NCKAP5: variants seen among roughly 807,000 people sequenced by gnomAD.
NCKAP5 encodes the protein nck-associated protein 5.
Under a neutral mutation model 167.0 loss-of-function variants are expected in NCKAP5, and 92 were observed. The observed-to-expected ratio is 0.55, with a 90% confidence interval of 0.47 to 0.66. The LOEUF (loss-of-function observed/expected upper bound fraction) is 0.66, where lower values mean the gene tolerates loss of function less well. Ranked by LOEUF, NCKAP5 falls within the 30% of genes least tolerant of loss-of-function variation. The pLI is 0.00. For missense variants in NCKAP5, 2,378 were observed against 2,315.0 expected (o/e 1.03, Z -0.56); for synonymous variants, 891 against 877.4 (o/e 1.02, Z -0.27).
intron 8 of NCKAP5, among the ~76,000 whole-genome samples, chr2:132,942,216 A>G (rs1481224832): frequency 6.6e-6 from 1 of 152,208 alleles, no homozygotes; most frequent in African/African-American, 2.4e-5. Flanking sequence ...ATAAACATTA[A>G]ACATGAAAAC....
intron 16 of NCKAP5, among the ~76,000 whole-genome samples, chr2:132,740,749 G>A (rs1679111190): frequency 1.3e-5 from 2 of 152,048 alleles, no homozygotes; most frequent in Admixed American, 1.3e-4. Context: ...CTCTTGTGCT[G>A]TCTTTGGGAT....
the NCKAP5 span, among the ~76,000 whole-genome samples, chr2:133,600,563 T>C: frequency 2.6e-5 from 4 of 152,244 alleles, no homozygotes; most frequent in African/African-American, 7.2e-5. Flanking sequence ...AGGAGTTGTC[T>C]ATAAATTAGT....
intron 10 of NCKAP5, among the ~76,000 whole-genome samples, chr2:132,868,103 T>C (rs1690503734): frequency 6.6e-6 from 1 of 152,198 alleles, no homozygotes; most frequent in Admixed American, 6.5e-5. Context: ...ATGGCATAAA[T>C]TATTTTGCTG....
At chr2:133,259,547 A>G (rs1364913007) in intron 4 of NCKAP5, among the ~76,000 whole-genome samples, 1 of 152,194 alleles carries the variant, frequency 6.6e-6, no homozygotes, top group Non-Finnish European at 1.5e-5. Flanking sequence ...AAAATCTCAG[A>G]GTAATGTAAT....
chr2:133,524,775 G>A (rs6730679), intron 2 of NCKAP5, among the ~76,000 whole-genome samples: 15,578 of 152,138 alleles, frequency 0.1, 1,329 homozygotes, highest in African/African-American at 0.23. Context: ...CTTTAAACAC[G>A]TACCTACAGC....
At chr2:133,004,124 G>C (rs906406665) in intron 6 of NCKAP5, among the ~76,000 whole-genome samples, 3 of 152,212 alleles carry the variant, frequency 2.0e-5, no homozygotes, top group Non-Finnish European at 2.9e-5. Context: ...TCCACAAAGA[G>C]AGGGGGAGGG....
intron 3 of NCKAP5, among the ~76,000 whole-genome samples, chr2:133,427,809 GA>G (rs1689909037): frequency 6.6e-6 from 1 of 151,854 alleles, no homozygotes; most frequent in Non-Finnish European, 1.5e-5. Context: ...CTGGAAATAA[GA>G]TACATATAAA....
chr2:132,851,447 G>A (rs1689071906), intron 11 of NCKAP5, among the ~76,000 whole-genome samples: 1 of 152,160 alleles, frequency 6.6e-6, no homozygotes, highest in Admixed American at 6.5e-5. Context: ...CACACTGGGG[G>A]CTACTGTGAG....
intron 4 of NCKAP5, among the ~76,000 whole-genome samples, chr2:133,258,933 C>A (rs2088768595): frequency 6.6e-6 from 1 of 152,060 alleles, no homozygotes; most frequent in Non-Finnish European, 1.5e-5. Flanking sequence ...CTACAATATC[C>A]AACAGAACTA....
intron 8 of NCKAP5, among the ~76,000 whole-genome samples, chr2:132,884,807 G>T (rs1219646532): frequency 6.6e-6 from 1 of 151,544 alleles, no homozygotes; most frequent in Admixed American, 6.6e-5. Context: ...TGGAAATAAA[G>T]CTGAAAATGG....
intron 3 of NCKAP5, among the ~76,000 whole-genome samples, chr2:133,322,627 T>C (rs559877054): frequency 8.5e-5 from 13 of 152,228 alleles, no homozygotes; most frequent in Non-Finnish European, 1.8e-4. Context: ...AAATTATCTT[T>C]CTAGTAATTT....
chr2:132,878,183 G>A (rs143157761), intron 9 of NCKAP5, among the ~76,000 whole-genome samples: 1 of 152,268 alleles, frequency 6.6e-6, no homozygotes, highest in Non-Finnish European at 1.5e-5. Flanking sequence ...GCGCATGTCT[G>A]TTTTCTCCTC....
intron 11 of NCKAP5, among the ~76,000 whole-genome samples, chr2:132,854,189 A>G (rs529811958): frequency 6.6e-6 from 1 of 152,330 alleles, no homozygotes; most frequent in African/African-American, 2.4e-5. Flanking sequence ...CTTATAACAG[A>G]CCACATACAC....
intron 16 of NCKAP5, among the ~76,000 whole-genome samples, chr2:132,769,466 T>C (rs1681829221): frequency 6.6e-6 from 1 of 152,202 alleles, no homozygotes; most frequent in Non-Finnish European, 1.5e-5. Context: ...TGCAAGAATA[T>C]GTGACAACAC....
At chr2:133,584,708 G>C in the NCKAP5 span, among the ~76,000 whole-genome samples, 1 of 152,124 alleles carries the variant, frequency 6.6e-6, no homozygotes, top group Non-Finnish European at 1.5e-5. Flanking sequence ...AGGTTGTGGT[G>C]AGCCAAGATT....
At chr2:133,315,917 G>T (rs1681576490) in intron 3 of NCKAP5, among the ~76,000 whole-genome samples, 1 of 152,100 alleles carries the variant, frequency 6.6e-6, no homozygotes, top group African/African-American at 2.4e-5. Flanking sequence ...AGCTTTTTCA[G>T]AAAATATCAT....
intron 19 of NCKAP5, among the ~76,000 whole-genome samples, chr2:132,724,755 C>A (rs753755278): frequency 2.0e-5 from 3 of 152,060 alleles, no homozygotes; most frequent in Non-Finnish European, 4.4e-5. Context: ...AAGCAAGGGA[C>A]AAAGTGGTGA....
chr2:133,070,817 A>G (rs1039879100), intron 6 of NCKAP5, among the ~76,000 whole-genome samples: 2 of 152,218 alleles, frequency 1.3e-5, no homozygotes, highest in African/African-American at 4.8e-5. Context: ...TACATGAGAT[A>G]TACATACATG....
intron 5 of NCKAP5, among the ~76,000 whole-genome samples, chr2:133,156,744 C>T (rs2083591760): frequency 6.6e-6 from 1 of 152,178 alleles, no homozygotes; most frequent in Non-Finnish European, 1.5e-5. Flanking sequence ...TAACCTGCTT[C>T]CTTGCCTCCA....
Sources: gnomAD v4.1 joint callset for allele counts (sites outside exome capture counted in the v4.1 genomes callset) on GRCh38, gnomAD v4.1.1 for gene constraint, MANE v1.5 for transcripts, NCBI Gene and HGNC (gene_info 2026-07-23, HGNC 2026-07-21) for gene names.